Variants in WWOX observed in about 807,000 individuals in gnomAD.
The protein encoded by WWOX is WW domain containing oxidoreductase, also known as WW domain-containing oxidoreductase.
Under a neutral mutation model 46.2 loss-of-function variants are expected in WWOX, and 69 were observed. The observed-to-expected ratio is 1.49, with a 90% confidence interval of 1.23 to 1.82. The LOEUF is 1.82. Ranked by LOEUF, WWOX falls within the 40% of genes most tolerant of loss-of-function variation. The probability of loss-of-function intolerance (pLI) is 0.00; values close to 1 mark genes in which losing one functional copy is unlikely to be tolerated. For missense variants in WWOX, 919 were observed against 542.6 expected, an observed-to-expected ratio of 1.69 and a Z score of -6.89; for synonymous variants, 359 against 202.6, an observed-to-expected ratio of 1.77 and a Z score of -6.56.
chr16:78,585,291 G>T (rs1053159412), intron 8 of WWOX, among the ~76,000 whole-genome samples: 2 of 152,220 alleles, frequency 1.3e-5, no homozygotes, highest in Admixed American at 6.5e-5. Context: ...CTTGGCAGCA[G>T]TTCTCCCTGA....
Position 79,212,315 on chromosome 16 carries a change from C to A in WWOX, c.*519C>A. The A allele has an allele frequency of 1.2e-6, 1 of 844,500 alleles. No homozygotes were observed. Among genetic ancestry groups the A allele is most frequent in the Non-Finnish European group, 1.8e-6 (1 of 568,302 alleles). The allele number at this position is 844,500 out of a possible 1,614,324, so 52.3% of individuals were successfully genotyped here. On this transcript the variant is annotated 3_prime_UTR_variant, in exon 9 of 9. Coordinates refer to ENST00000566780, the MANE Select transcript of WWOX (RefSeq NM_016373.4). Reference sequence around the variant, plus strand: ...CTTAGCAACTGCTGGGGAGACAAATCTCAGAACCTTGTCCCAGCCAGTGAG... The same window carrying A: ...CTTAGCAACTGCTGGGGAGACAAATATCAGAACCTTGTCCCAGCCAGTGAG...
chr16:78,630,191 T>A (rs1442002632), intron 8 of WWOX, among the ~76,000 whole-genome samples: 1 of 152,206 alleles, frequency 6.6e-6, no homozygotes, highest in Non-Finnish European at 1.5e-5. Context: ...TGTGTATTCC[T>A]CATCTGGCTG....
intron 5 of WWOX, among the ~76,000 whole-genome samples, chr16:78,322,490 GA>G (rs2080506069): frequency 6.6e-6 from 1 of 152,198 alleles, no homozygotes; most frequent in South Asian, 2.1e-4. Flanking sequence ...CAGTGAGATA[GA>G]TGTTATTAGC....
intron 8 of WWOX, among the ~76,000 whole-genome samples, chr16:78,770,945 G>A (rs746202235): frequency 4.6e-4 from 70 of 152,360 alleles, no homozygotes; most frequent in Non-Finnish European, 8.5e-4. Context: ...GTTTGATAGA[G>A]ACTGTACAAG....
chr16:78,771,431 T>G (rs943490448), intron 8 of WWOX, among the ~76,000 whole-genome samples: 6 of 152,198 alleles, frequency 3.9e-5, no homozygotes, highest in Admixed American at 1.3e-4. Flanking sequence ...GTGATGGTTG[T>G]TCAACATCAT....
chr16:78,584,992 C>A (rs953711558), intron 8 of WWOX, among the ~76,000 whole-genome samples: 1 of 152,204 alleles, frequency 6.6e-6, no homozygotes, highest in Non-Finnish European at 1.5e-5. Flanking sequence ...GCCAAAGAGG[C>A]AGAAAGGCCG....
chr16:79,153,997 A>G (rs555801848), intron 8 of WWOX, among the ~76,000 whole-genome samples: 1 of 152,326 alleles, frequency 6.6e-6, no homozygotes, highest in African/African-American at 2.4e-5. Context: ...AGAAGCATTT[A>G]GAATTTGGGA....
chr16:78,201,596 G>C (rs529831601), intron 5 of WWOX, among the ~76,000 whole-genome samples: 1 of 151,958 alleles, frequency 6.6e-6, no homozygotes, highest in East Asian at 1.9e-4. Context: ...TGTGTTTGTG[G>C]GATTATTTCT....
intron 8 of WWOX, among the ~76,000 whole-genome samples, chr16:79,104,298 TATC>T (rs1254078412): frequency 6.6e-6 from 1 of 152,204 alleles, no homozygotes; most frequent in African/African-American, 2.4e-5. Context: ...AAACCTCAGT[TATC>T]ATCTGCTATT....
intron 8 of WWOX, among the ~76,000 whole-genome samples, chr16:79,190,515 C>A (rs2051113910): frequency 6.6e-6 from 1 of 152,172 alleles, no homozygotes; most frequent in African/African-American, 2.4e-5. Context: ...GCCTCACACC[C>A]TCTGGCTCCA....
At chr16:78,641,977 G>GT (rs2046726477) in intron 8 of WWOX, among the ~76,000 whole-genome samples, 1 of 152,100 alleles carries the variant, frequency 6.6e-6, no homozygotes, top group East Asian at 1.9e-4. Flanking sequence ...ATCAAGAGCC[G>GT]TAAGTCCTTG....
intron 8 of WWOX, among the ~76,000 whole-genome samples, chr16:79,084,106 G>C (rs1180883937): frequency 1.3e-5 from 2 of 152,136 alleles, no homozygotes; most frequent in Non-Finnish European, 2.9e-5. Flanking sequence ...GAGAAACCAG[G>C]GAGAAACAGG....
At chr16:78,735,426 C>CACACACACA in intron 8 of WWOX, among the ~76,000 whole-genome samples, 1 of 150,186 alleles carries the variant, frequency 6.7e-6, no homozygotes. Context: ...CACACACACA[C>CACACACACA]TAATATGGTT....
chr16:78,652,537 C>G (rs975586463), intron 8 of WWOX, among the ~76,000 whole-genome samples: 1 of 152,036 alleles, frequency 6.6e-6, no homozygotes, highest in African/African-American at 2.4e-5. Flanking sequence ...GCAGACCCCT[C>G]AGCAGTTGAC....
intron 8 of WWOX, chr16:78,896,273 C>G (rs185864347): frequency 6.7e-6 from 1 of 150,198 alleles, no homozygotes; most frequent in African/African-American, 2.4e-5. Context: ...TGTAAATTTG[C>G]TTAGTCATTT....
chr16:78,976,307 T>A (rs74909903), intron 8 of WWOX, among the ~76,000 whole-genome samples: 2,078 of 152,338 alleles, frequency 0.014, 47 homozygotes, highest in African/African-American at 0.047. Context: ...ATTTCTTACG[T>A]AGTTTTGAAA....
chr16:78,569,163 T>G (rs1363833653), intron 8 of WWOX, among the ~76,000 whole-genome samples: 1 of 152,176 alleles, frequency 6.6e-6, no homozygotes, highest in East Asian at 1.9e-4. Flanking sequence ...GGAAGAACCC[T>G]ATGGGCAGAA....
At chr16:78,680,056 T>C (rs184268423) in intron 8 of WWOX, among the ~76,000 whole-genome samples, 1 of 152,356 alleles carries the variant, frequency 6.6e-6, no homozygotes, top group Non-Finnish European at 1.5e-5. Flanking sequence ...TTTTCTCATC[T>C]GTAAAGTAGG....
At position 78,477,541 on chromosome 16, in the gene WWOX, T is replaced by C. The variant is rs140215603; in HGVS notation, c.1056+44789T>C. ...AAGTGTTCATGCCGCAATGCACTTA[T>C]AGCTTGTGTGATAGGATTATGGAAA... On this transcript the variant is annotated intron_variant, in intron 8 of 8. Transcript: ENST00000566780. Among the ~76,000 whole-genome samples, 565 of 152,308 alleles carry C rather than the reference T, an allele frequency of 3.7e-3. 2 individuals are homozygous for C. The highest frequency in any genetic ancestry group is 0.013 in the African/African-American group (534 of 41,572).
Sources: gnomAD v4.1 joint callset for allele counts (sites outside exome capture counted in the v4.1 genomes callset) on GRCh38, gnomAD v4.1.1 for gene constraint, MANE v1.5 for transcripts, NCBI Gene and HGNC (gene_info 2026-07-23, HGNC 2026-07-21) for gene names.